Variants in KALRN observed in about 807,000 individuals in gnomAD.
KALRN encodes kalirin RhoGEF kinase.
KALRN carries 70 observed loss-of-function variants against 353.7 expected under a neutral mutation model. The observed-to-expected ratio is 0.20, with a 90% CI of 0.16 to 0.24. The LOEUF (loss-of-function observed/expected upper bound fraction) is 0.24. Ranked by LOEUF, KALRN falls within the 10% of genes least tolerant of loss-of-function variation. KALRN has a pLI of 1.00. For synonymous variants in KALRN, 1,391 were observed against 1,434.8 expected (o/e 0.97, Z 0.69); for missense variants, 2,791 against 3,756.7 (o/e 0.74, Z 6.72).
intron 1 of KALRN, among the ~76,000 whole-genome samples, chr3:124,126,119 T>G (rs2149645472): frequency 6.6e-6 from 1 of 152,310 alleles, no homozygotes; most frequent in South Asian, 2.1e-4. Flanking sequence ...GAATCATGGT[T>G]TTGTGAATGT....
intron 10 of KALRN, among the ~76,000 whole-genome samples, chr3:124,348,157 G>T (rs775816870): frequency 2.6e-5 from 4 of 152,084 alleles, no homozygotes; most frequent in Non-Finnish European, 5.9e-5. Context: ...GAGGAGTAAG[G>T]CAGGGAGGGT....
rs1444718625 is a variant in KALRN at position 124,492,836 on chromosome 3, C to T, written c.4786C>T (p.Leu1596Phe). ...CCTGAAAGGAGCTTTAAAGGAGCCA[C>T]TTCAGCTCCCCAAAACACCAGCCAA... Reference protein sequence around the residue: ...IHLKGALKEPLQLPKTPAKQR... With the variant: ...IHLKGALKEPFQLPKTPAKQR... Residue 1596 changes from leucine to phenylalanine, a missense_variant, in exon 32 of 60, where the codon CTT (leucine) becomes TTT (phenylalanine). Physicochemically the swap from Leu to Phe is conservative, Grantham distance 22. Transcript: ENST00000682506. The T allele has an allele frequency of 9.3e-6, 15 of 1,614,026 alleles. No individual in the cohort carries two copies. The highest frequency in any genetic ancestry group is 1.3e-5 in the African/African-American group (1 of 74,928).
At chr3:124,200,473 GTCT>G (rs1184647782) in intron 1 of KALRN, among the ~76,000 whole-genome samples, 1 of 152,206 alleles carries the variant, frequency 6.6e-6, no homozygotes, top group Non-Finnish European at 1.5e-5. Flanking sequence ...GCTCTCTGGG[GTCT>G]TTTTTAAAGA....
intron 6 of KALRN, among the ~76,000 whole-genome samples, chr3:124,307,585 A>G (rs946687280): frequency 6.9e-6 from 1 of 145,174 alleles, no homozygotes; most frequent in Non-Finnish European, 1.5e-5. Flanking sequence ...TAAGGTGTAT[A>G]TGGTAAGCCC....
At chr3:124,142,018 A>T (rs975818912) in intron 1 of KALRN, among the ~76,000 whole-genome samples, 1 of 152,120 alleles carries the variant, frequency 6.6e-6, no homozygotes, top group African/African-American at 2.4e-5. Context: ...ATTCTTTATC[A>T]TTAGGTAAAA....
chr3:124,322,022 T>C (rs777472769), intron 6 of KALRN, among the ~76,000 whole-genome samples: 6 of 152,234 alleles, frequency 3.9e-5, no homozygotes, highest in Non-Finnish European at 7.3e-5. Context: ...TATTACCTTC[T>C]GGCCAGGGAA....
chr3:124,509,840 T>C (rs1246341151), intron 33 of KALRN, among the ~76,000 whole-genome samples: 3 of 152,202 alleles, frequency 2.0e-5, no homozygotes, highest in Non-Finnish European at 4.4e-5. Context: ...CTTTCAAATC[T>C]TAATTTTATA....
intron 3 of KALRN, 75 bp downstream of exon 3, chr3:124,235,018 A>G: frequency 1.9e-6 from 2 of 1,029,082 alleles, no homozygotes; most frequent in Non-Finnish European, 3.0e-6. Flanking sequence ...AGGAGCCTCC[A>G]TCCCTGCCAG....
chr3:124,580,901 A>G (rs2074562641), intron 34 of KALRN, among the ~76,000 whole-genome samples: 2 of 151,766 alleles, frequency 1.3e-5, no homozygotes, highest in South Asian at 2.1e-4. Context: ...TGAGCCCAGG[A>G]GTTCAAGACC....
intron 1 of KALRN, among the ~76,000 whole-genome samples, chr3:124,190,174 G>A (rs1216584596): frequency 6.6e-6 from 1 of 151,842 alleles, no homozygotes; most frequent in Non-Finnish European, 1.5e-5. Flanking sequence ...AAGAAGAGAA[G>A]GGAAGGAAAG....
chr3:124,525,781 T>C (rs2067537421), intron 33 of KALRN, among the ~76,000 whole-genome samples: 2 of 152,186 alleles, frequency 1.3e-5, no homozygotes, highest in African/African-American at 4.8e-5. Context: ...TATGTTTTGG[T>C]ATTTCTGGGA....
At chr3:124,055,423 G>A (rs1417732821) in intron 1 of KALRN, among the ~76,000 whole-genome samples, 4 of 152,100 alleles carry the variant, frequency 2.6e-5, no homozygotes, top group African/African-American at 9.7e-5. Context: ...CTCTACCCTG[G>A]CCTAGTTTCT....
chr3:124,696,203 A>G lies in KALRN; in HGVS notation c.7647A>G (p.Ile2549Met). Residue 2549 changes from isoleucine to methionine, a missense_variant, in exon 54 of 60, where the codon ATA (isoleucine) becomes ATG (methionine). Physicochemically the swap from Ile to Met is conservative, Grantham distance 10. Around this residue, in one of 11 missense-constraint regions of KALRN, gnomAD observed 1,065 missense variants for 1,156.4 expected, o/e 0.92. Transcript: ENST00000682506. ...MPQDSGIYTC[I>M]ATNDHGTTST... The stretch of plus-strand genomic sequence containing the variant: ...AAGACAGTGGGATTTATACCTGCAT[A>G]GCAACAAATGACCACGGGACCACAT... The G allele has an allele frequency of 6.2e-7, 1 of 1,614,044 alleles. No homozygotes were observed. Among genetic ancestry groups the G allele is most frequent in the South Asian group, 1.1e-5 (1 of 91,086 alleles).
chr3:124,504,913 G>A (rs775422218), intron 33 of KALRN: 2 of 507,996 alleles, frequency 3.9e-6, no homozygotes, highest in East Asian at 5.8e-5. Context: ...ATGTTAAAGT[G>A]GATTAGCTGG....
intron 34 of KALRN, among the ~76,000 whole-genome samples, chr3:124,601,433 A>C (rs921665505): frequency 6.6e-6 from 1 of 152,206 alleles, no homozygotes; most frequent in African/African-American, 2.4e-5. Flanking sequence ...GTCTCAAACT[A>C]TTGGCCTTTT....
chr3:124,411,222 G>A (rs1430192916), intron 13 of KALRN, among the ~76,000 whole-genome samples: 1 of 152,000 alleles, frequency 6.6e-6, no homozygotes, highest in Admixed American at 6.6e-5. Flanking sequence ...ATTGGAAGGG[G>A]GCACAAGCAG....
At chr3:124,707,439 T>TTCCTTCCC (rs1316336140) in intron 57 of KALRN, among the ~76,000 whole-genome samples, 49 of 146,170 alleles carry the variant, frequency 3.4e-4, no homozygotes, top group African/African-American at 1.2e-3. Context: ...CCTTCCTTCC[T>TTCCTTCCC]TCCTTCCCTC....
intron 1 of KALRN, among the ~76,000 whole-genome samples, chr3:124,097,719 T>G (rs962019288): frequency 6.6e-6 from 1 of 152,228 alleles, no homozygotes; most frequent in Non-Finnish European, 1.5e-5. Flanking sequence ...CCTATCACTG[T>G]TCAGCTAAGG....
chr3:124,608,256 C>T (rs954602109), intron 34 of KALRN, among the ~76,000 whole-genome samples: 4 of 152,102 alleles, frequency 2.6e-5, no homozygotes, highest in African/African-American at 9.7e-5. Flanking sequence ...ATCTGCCCAC[C>T]TTGTCTTTCC....
Sources: allele counts gnomAD v4.1 joint callset (sites outside exome capture counted in the v4.1 genomes callset), GRCh38; gene constraint gnomAD v4.1.1; regional missense constraint gnomAD v4.1.1; transcripts MANE v1.5; gene names NCBI Gene and HGNC (gene_info 2026-07-23, HGNC 2026-07-21).